The following GPC5 variants were observed in gnomAD, a reference collection of about 807,000 sequenced individuals.
GPC5 encodes the protein glypican-5.
In GPC5, 47 loss-of-function variants were observed where a neutral mutation model predicts 53.9. The ratio of observed to expected loss-of-function variants is 0.87; its 90% confidence interval spans 0.69 to 1.11. The LOEUF (loss-of-function observed/expected upper bound fraction) is 1.11. Ranked by LOEUF, GPC5 falls within the 50% of genes most tolerant of loss-of-function variation. GPC5 has a pLI of 0.00. For missense variants in GPC5, 748 were observed against 713.1 expected (o/e 1.05, Z -0.56); for synonymous variants, 286 against 263.3 (o/e 1.09, Z -0.84).
chr13:92,585,813 T>C (rs976428917), intron 7 of GPC5, among the ~76,000 whole-genome samples: 2 of 152,172 alleles, frequency 1.3e-5, no homozygotes, highest in Non-Finnish European at 2.9e-5. Context: ...TCACAAGATC[T>C]GATGGTAAGG....
At chr13:92,127,768 G>A (rs981555473) in intron 6 of GPC5, among the ~76,000 whole-genome samples, 1 of 152,120 alleles carries the variant, frequency 6.6e-6, no homozygotes, top group African/African-American at 2.4e-5. Flanking sequence ...TAACCACGAA[G>A]TTTTCTATAT....
intron 6 of GPC5, among the ~76,000 whole-genome samples, chr13:92,116,250 A>AC (rs1555311779): frequency 6.8e-6 from 1 of 147,818 alleles, no homozygotes; most frequent in Non-Finnish European, 1.5e-5. Context: ...CCTGTCTCAA[A>AC]AAACAAACAA....
At chr13:91,672,243 G>A (rs1482204290) in intron 2 of GPC5, among the ~76,000 whole-genome samples, 2 of 152,144 alleles carry the variant, frequency 1.3e-5, no homozygotes, top group African/African-American at 2.4e-5. Flanking sequence ...ATTGAAAAAT[G>A]GGATCTAATT....
intron 7 of GPC5, among the ~76,000 whole-genome samples, chr13:92,728,375 T>C (rs776251609): frequency 3.5e-4 from 53 of 151,486 alleles, no homozygotes; most frequent in Admixed American, 1.3e-4. Flanking sequence ...CTTGAATGTA[T>C]AGGGATAGAC....
chr13:92,657,027 TA>T (rs1439500186), intron 7 of GPC5, among the ~76,000 whole-genome samples: 1 of 152,068 alleles, frequency 6.6e-6, no homozygotes, highest in African/African-American at 2.4e-5. Context: ...AAAACACAAT[TA>T]AAAAAGAAAT....
At chr13:91,667,018 A>G (rs1353687037) in intron 2 of GPC5, among the ~76,000 whole-genome samples, 1 of 152,204 alleles carries the variant, frequency 6.6e-6, no homozygotes, top group Non-Finnish European at 1.5e-5. Context: ...GTAGCATTTC[A>G]CCATAGAGAA....
At chr13:92,691,279 C>G (rs1449110301) in intron 7 of GPC5, among the ~76,000 whole-genome samples, 1 of 124,890 alleles carries the variant, frequency 8.0e-6, no homozygotes, top group South Asian at 3.0e-4. Context: ...TGCGCCGTTT[C>G]TTAAGCCGGT....
At chr13:92,801,119 T>C (rs1404312534) in intron 7 of GPC5, among the ~76,000 whole-genome samples, 1 of 151,682 alleles carries the variant, frequency 6.6e-6, no homozygotes, top group African/African-American at 2.4e-5. Context: ...TGTGTGTGTA[T>C]GTGTGTGTGT....
intron 2 of GPC5, among the ~76,000 whole-genome samples, chr13:91,652,459 A>C (rs867857685): frequency 6.6e-5 from 10 of 151,902 alleles, no homozygotes; most frequent in African/African-American, 2.2e-4. Context: ...CTACTCTTTC[A>C]CTTTGGAGCT....
chr13:91,962,696 T>G (rs1288277986), intron 6 of GPC5, among the ~76,000 whole-genome samples: 2 of 152,054 alleles, frequency 1.3e-5, no homozygotes, highest in Non-Finnish European at 2.9e-5. Flanking sequence ...AATAGACATA[T>G]CATATTGTGA....
chr13:92,659,738 T>G lies in GPC5; in HGVS notation c.1562-206544T>G, dbSNP rs1325973683. On this transcript the variant is annotated intron_variant, in intron 7 of 7. Transcript: ENST00000377067. ...CTGAAGCATACTCTGATGGAAGGAA[T>G]GAATGTCCTTCTCAGAGGGTATGTA... is the stretch of plus-strand genomic sequence containing the variant. 2.0e-5 allele frequency among the ~76,000 whole-genome samples: 3 copies of G among 152,282 alleles called. No individual in the cohort carries two copies. The East Asian group carries it at 5.8e-4, about 29-fold the overall frequency.
chr13:92,713,661 A>C (rs183082660), intron 7 of GPC5, among the ~76,000 whole-genome samples: 1 of 152,070 alleles, frequency 6.6e-6, no homozygotes, highest in Non-Finnish European at 1.5e-5. Context: ...ATCCAAGTTA[A>C]AACAATGAGA....
At chr13:91,728,496 A>G (rs2036623684) in intron 3 of GPC5, 36 bp from the exon 4 acceptor site, 1 of 1,593,968 alleles carries the variant, frequency 6.3e-7, no homozygotes, top group Non-Finnish European at 8.5e-7. Context: ...GTGGAGTACG[A>G]TTTCTAACTA....
chr13:91,785,725 CTTGA>C (rs2138732606), intron 5 of GPC5, among the ~76,000 whole-genome samples: 1 of 152,302 alleles, frequency 6.6e-6, no homozygotes, highest in South Asian at 2.1e-4. Flanking sequence ...TGTCTTTAAT[CTTGA>C]CTTTTCACCT....
At chr13:91,860,306 G>A (rs2039012521) in intron 5 of GPC5, among the ~76,000 whole-genome samples, 2 of 151,830 alleles carry the variant, frequency 1.3e-5, no homozygotes, top group Admixed American at 1.3e-4. Flanking sequence ...CCACATATGA[G>A]TGAGAAGCTG....
intron 2 of GPC5, among the ~76,000 whole-genome samples, chr13:91,469,545 T>C (rs1882476944): frequency 1.3e-5 from 2 of 152,076 alleles, no homozygotes; most frequent in African/African-American, 4.8e-5. Context: ...GTCTTACAGG[T>C]GTGAGCCACT....
At chr13:91,440,798 A>G (rs543662457) in intron 1 of GPC5, among the ~76,000 whole-genome samples, 15 of 152,352 alleles carry the variant, frequency 9.8e-5, no homozygotes, top group African/African-American at 3.1e-4. Flanking sequence ...GGCAACAACT[A>G]TAATTTTCAT....
intron 7 of GPC5, among the ~76,000 whole-genome samples, chr13:92,591,456 T>C (rs1000760390): frequency 3.3e-5 from 5 of 152,220 alleles, no homozygotes; most frequent in African/African-American, 1.2e-4. Context: ...GTTTTACTTT[T>C]AATGTATTTT....
intron 7 of GPC5, among the ~76,000 whole-genome samples, chr13:92,586,944 G>A (rs1370895407): frequency 7.4e-6 from 1 of 135,836 alleles, no homozygotes; most frequent in Non-Finnish European, 1.5e-5. Context: ...TTTCTCTCTT[G>A]CATACACACA....
Sources: allele counts gnomAD v4.1 joint callset (sites outside exome capture counted in the v4.1 genomes callset), GRCh38; gene constraint gnomAD v4.1.1; transcripts MANE v1.5; gene names NCBI Gene and HGNC (gene_info 2026-07-23, HGNC 2026-07-21).